RASGRP1: variants seen among roughly 807,000 people sequenced by gnomAD.
RASGRP1 encodes the protein RAS guanyl releasing protein 1.
RASGRP1 carries 37 observed loss-of-function variants against 95.1 expected under a neutral mutation model. That is an observed-to-expected ratio of 0.39 (90% CI 0.30 to 0.51). RASGRP1 has a LOEUF of 0.51. Among genes scored for constraint, RASGRP1 ranks in the 20% least tolerant of loss-of-function variants. RASGRP1 has a pLI of 0.80. For synonymous variants in RASGRP1, 325 were observed against 353.4 expected (o/e 0.92, Z 0.90); for missense variants, 711 against 965.4 (o/e 0.74, Z 3.49).
intron 2 of RASGRP1, among the ~76,000 whole-genome samples, chr15:38,557,627 G>GTGTA (rs112780483): frequency 6.8e-6 from 1 of 147,846 alleles, no homozygotes; most frequent in African/African-American, 2.7e-5. Flanking sequence ...GTGTGTGTGT[G>GTGTA]TGTATATATA....
rs576878113 is a variant in RASGRP1, at chr15:38,546,227, A to T, written c.220+13594T>A. On this transcript the variant is annotated intron_variant, in intron 2 of 16. Coordinates refer to ENST00000310803, the MANE Select transcript of RASGRP1 (RefSeq NM_005739.4). ...AAATTATAACTTTATTTATTTATTT[A>T]TTTATTTTTGAGATGGAGTCCCGCT... 4.8e-3 allele frequency among the ~76,000 whole-genome samples: 721 copies of T among 148,732 alleles called. 7 individuals carry two copies. Among genetic ancestry groups the T allele is most frequent in the African/African-American group, 0.018 (680 of 38,322 alleles).
chr15:38,522,459 G>C (rs1247596877), intron 3 of RASGRP1, among the ~76,000 whole-genome samples: 1 of 152,178 alleles, frequency 6.6e-6, no homozygotes, highest in African/African-American at 2.4e-5. Flanking sequence ...CACACTTTCT[G>C]TGAGTTTTTC....
rs187391899 is a variant in RASGRP1 at position 38,520,311 on chromosome 15, C to T, written c.327-940G>A. Among the ~76,000 whole-genome samples, 433 of 152,264 alleles carry T rather than the reference C, an allele frequency of 2.8e-3. 4 individuals are homozygous for T. The highest frequency in any genetic ancestry group is 9.7e-3 in the African/African-American group (402 of 41,556). ...TCCAGCTGGGCCCATGAGAGGAATC[C>T]AGTGAACAACCCAGCAAACATTTTA... On this transcript the variant is annotated intron_variant, in intron 3 of 16. Transcript: ENST00000310803.
intron 3 of RASGRP1, among the ~76,000 whole-genome samples, chr15:38,522,555 T>C (rs920954940): frequency 1.3e-5 from 2 of 152,166 alleles, no homozygotes; most frequent in Non-Finnish European, 2.9e-5. Context: ...ATTAAATAGA[T>C]TGTCAATCAA....
intron 5 of RASGRP1, among the ~76,000 whole-genome samples, chr15:38,517,105 T>G (rs1442621362): frequency 6.6e-6 from 1 of 152,152 alleles, no homozygotes. Context: ...GGTTCTGTGG[T>G]CAATGAGCTT....
chr15:38,550,131 AC>A (rs1893272543), intron 2 of RASGRP1, among the ~76,000 whole-genome samples: 2 of 150,768 alleles, frequency 1.3e-5, no homozygotes, highest in South Asian at 4.2e-4. Flanking sequence ...GGTGGTGCAC[AC>A]CCAGCTACTC....
At chr15:38,543,648 CTTTTTTTT>C (rs11450286) in intron 2 of RASGRP1, among the ~76,000 whole-genome samples, 6 of 49,510 alleles carry the variant, frequency 1.2e-4, no homozygotes, top group Admixed American at 2.5e-4. Context: ...TTCTTTTTTT[CTTTTTTTT>C]TTTTTGCATC....
chr15:38,494,703 C>G lies in RASGRP1; in HGVS notation c.1938G>C (p.Lys646Asn), dbSNP rs1226872711. 2 of 1,524,766 alleles carry G rather than the reference C, an allele frequency of 1.3e-6. No homozygotes were observed. The highest frequency in any genetic ancestry group is 1.8e-6 in the Non-Finnish European group (2 of 1,140,400). 94.5% of individuals were successfully genotyped at this position (1,524,766 alleles called of 1,614,324 possible). A position where few individuals can be genotyped will look rare whatever the true frequency, so the allele number is the denominator to read the frequency against. The change falls in exon 16 of 17, where the codon AAG becomes AAC. Residue 646 changes from lysine to asparagine, a missense_variant. By Grantham distance (94) the Lys-to-Asn change is moderately conservative (BLOSUM62 0). Coordinates refer to ENST00000310803, the MANE Select transcript of RASGRP1 (RefSeq NM_005739.4). ...GEAVEHGEES[K>N]DRTIMLMGVS... Reference sequence around the variant, plus strand: ...CTCCCATCAGCATGATGGTCCGATCCTTACTCTCCTCACCATGTTCCACAG... The same window carrying G: ...CTCCCATCAGCATGATGGTCCGATCGTTACTCTCCTCACCATGTTCCACAG...
intron 5 of RASGRP1, 25 bp downstream of exon 5, chr15:38,518,267 G>A (rs756601349): frequency 8.0e-5 from 129 of 1,604,650 alleles, no homozygotes; most frequent in Non-Finnish European, 1.0e-4. Flanking sequence ...GGTTTCGAAA[G>A]ATGAGTCAAG....
At chr15:38,520,715 TTATC>T (rs1891969887) in intron 3 of RASGRP1, among the ~76,000 whole-genome samples, 2 of 152,124 alleles carry the variant, frequency 1.3e-5, no homozygotes, top group Admixed American at 6.6e-5. Flanking sequence ...CACTTAAAAA[TTATC>T]TAAGATATAA....
chr15:38,507,386 C>G (rs7183104), intron 9 of RASGRP1, among the ~76,000 whole-genome samples: 43,205 of 152,038 alleles, frequency 0.28, 6,378 homozygotes, highest in East Asian at 0.52. Flanking sequence ...TTCTCTCCAT[C>G]TGTTACCAAG....
At chr15:38,509,384 G>A (rs979138222) in intron 8 of RASGRP1, among the ~76,000 whole-genome samples, 2 of 152,176 alleles carry the variant, frequency 1.3e-5, no homozygotes, top group African/African-American at 4.8e-5. Context: ...AGAATGGAAT[G>A]GGATGGCTTA....
At chr15:38,564,444 T>C in intron 1 of RASGRP1, 150 bp downstream of exon 1, 1 of 428,600 alleles carries the variant, frequency 2.3e-6, no homozygotes, top group Non-Finnish European at 3.2e-6. Context: ...TCTGGACACG[T>C]CCGCCCGTCG....
At chr15:38,514,582 T>A (rs2141118870) in intron 6 of RASGRP1, among the ~76,000 whole-genome samples, 2 of 152,170 alleles carry the variant, frequency 1.3e-5, no homozygotes, top group Middle Eastern at 6.8e-3. Flanking sequence ...AAAACTTGTG[T>A]TTGGTAAAAC....
chr15:38,516,484 G>A, intron 5 of RASGRP1, 134 bp from the exon 6 acceptor site: 1 of 1,110,510 alleles, frequency 9.0e-7, no homozygotes, highest in Non-Finnish European at 1.3e-6. Context: ...TGCCAAAACA[G>A]TGCATTCACA....
rs530663322 is a variant in RASGRP1 at position 38,488,166 on chromosome 15, C to A, written c.*2388G>T. ...CACAAAGAAAACTTACATTAGGTAT[C>A]AAAAAACTTTACAATCTGTACATTT... On this transcript the variant is annotated 3_prime_UTR_variant, in exon 17 of 17. Transcript: ENST00000310803. 1 of 152,050 alleles carries A rather than the reference C, an allele frequency of 6.6e-6. No individual in the cohort carries two copies. Among genetic ancestry groups the A allele is most frequent in the African/African-American group, 2.4e-5 (1 of 41,532 alleles). 9.4% of individuals were successfully genotyped at this position (152,050 alleles called of 1,614,324 possible).
intron 16 of RASGRP1, among the ~76,000 whole-genome samples, chr15:38,491,651 T>C (rs1211367463): frequency 6.6e-6 from 1 of 152,132 alleles, no homozygotes. Context: ...TTAATTTGAC[T>C]AGTTATTATG....
intron 2 of RASGRP1, among the ~76,000 whole-genome samples, chr15:38,536,447 T>G (rs1272272949): frequency 6.6e-6 from 1 of 152,234 alleles, no homozygotes; most frequent in South Asian, 2.1e-4. Flanking sequence ...ATCACGTCAT[T>G]CTTATCTATT....
intron 5 of RASGRP1, 94 bp from the exon 6 acceptor site, chr15:38,516,444 A>C: frequency 1.4e-6 from 2 of 1,421,744 alleles, no homozygotes; most frequent in Non-Finnish European, 9.8e-7. Flanking sequence ...AAGAATATAC[A>C]AAACACCATT....
Sources: gnomAD v4.1 joint callset for allele counts (sites outside exome capture counted in the v4.1 genomes callset) on GRCh38, gnomAD v4.1.1 for gene constraint, MANE v1.5 for transcripts, NCBI Gene and HGNC (gene_info 2026-07-23, HGNC 2026-07-21) for gene names.